The following HHIPL1 variants were observed in gnomAD, a reference collection of about 807,000 sequenced individuals.
HHIPL1 encodes HHIP-like protein 1.
Under a neutral mutation model 61.8 loss-of-function variants are expected in HHIPL1, and 43 were observed. The observed-to-expected ratio is 0.70, with a 90% CI of 0.55 to 0.90. The LOEUF (loss-of-function observed/expected upper bound fraction) is 0.90. HHIPL1 is among the 40% of genes least tolerant of loss of function. The pLI, the probability that HHIPL1 is intolerant of heterozygous loss-of-function variation, is 0.00. For missense variants in HHIPL1, 1,056 were observed against 1,157.7 expected (o/e 0.91, Z 1.28); for synonymous variants, 482 against 515.8 (o/e 0.93, Z 0.89).
At chr14:99,646,827 GATATGATATAATATAATATAATATA>G (rs2055846686) in intron 1 of HHIPL1, among the ~76,000 whole-genome samples, 3 of 84,878 alleles carry the variant, frequency 3.5e-5, no homozygotes, top group Non-Finnish European at 7.9e-5. Flanking sequence ...GATATGATAT[GATATGATATAATATAATATAATATA>G]ATATAATATG....
chr14:99,659,791 A>AACCC, intron 4 of HHIPL1, 35 bp downstream of exon 4: 1 of 1,195,558 alleles, frequency 8.4e-7, no homozygotes, highest in Admixed American at 4.6e-5. Flanking sequence ...CCGGCCCCGA[A>AACCC]TCCGCCCCCA....
chr14:99,631,822 A>G, the HHIPL1 span, among the ~76,000 whole-genome samples: 2 of 151,998 alleles, frequency 1.3e-5, no homozygotes, highest in African/African-American at 2.4e-5. Flanking sequence ...TGCCTTCCCT[A>G]TGGTCCAGAG....
At chr14:99,646,333 G>C (rs927066908) in intron 1 of HHIPL1, among the ~76,000 whole-genome samples, 2 of 152,274 alleles carry the variant, frequency 1.3e-5, no homozygotes, top group Admixed American at 1.3e-4. Context: ...GAGGCCCCAG[G>C]GGCCAGGGCC....
chr14:99,664,944 C>T (rs1404520527), intron 6 of HHIPL1, among the ~76,000 whole-genome samples: 1 of 144,656 alleles, frequency 6.9e-6, no homozygotes, highest in African/African-American at 2.5e-5. Flanking sequence ...GACTGAGCTT[C>T]GCTCTTGTTG....
In HHIPL1 at chr14:99,675,336, C is replaced by T; in HGVS notation, c.2059C>T (p.Arg687Cys). Reference protein sequence around the residue: ...RPAGLSSGSGRVEVFVGGRWG... With the variant: ...RPAGLSSGSGCVEVFVGGRWG... ...CGCGGGCCTGAGCTCTGGCAGCGGG[C>T]GCGTGGAGGTGTTCGTGGGCGGACG... Residue 687 changes from arginine (R) to cysteine (C), a missense_variant, in exon 9 of 9, where the codon CGC becomes TGC. Transcript: ENST00000330710. This position sits in a 1 kb window ranked among gnomAD's most constrained non-coding sequence, Gnocchi z 5.4. The T allele has an allele frequency of 2.1e-6, 3 of 1,436,470 alleles. No homozygotes were observed. The highest frequency in any genetic ancestry group is 2.7e-6 in the Non-Finnish European group (3 of 1,094,916). 89.0% of individuals were successfully genotyped at this position (1,436,470 alleles called of 1,614,324 possible). A position where few individuals can be genotyped will look rare whatever the true frequency, so the allele number is the denominator to read the frequency against.
chr14:99,638,826 C>T, the HHIPL1 span, among the ~76,000 whole-genome samples: 1 of 152,204 alleles, frequency 6.6e-6, no homozygotes, highest in African/African-American at 2.4e-5. Flanking sequence ...GAGGCACCTT[C>T]GGCCCAAAGG....
chr14:99,637,856 C>A, the HHIPL1 span, among the ~76,000 whole-genome samples: 1 of 152,132 alleles, frequency 6.6e-6, no homozygotes, highest in Non-Finnish European at 1.5e-5. Context: ...AAAACCAATG[C>A]CCAGAGAGGT....
At chr14:99,652,991 G>A (rs2055965565) in intron 2 of HHIPL1, 121 bp downstream of exon 2, 2 of 1,022,978 alleles carry the variant, frequency 2.0e-6, no homozygotes. Context: ...TGGTGGGGGT[G>A]CTGAATTTCA....
chr14:99,611,603 T>TG, the HHIPL1 span, among the ~76,000 whole-genome samples: 19,569 of 145,368 alleles, frequency 0.13, 1,109 homozygotes, highest in East Asian at 0.26. Flanking sequence ...TTTTTTTTTT[T>TG]TTTAAAGAAA....
chr14:99,635,337 C>A, the HHIPL1 span, among the ~76,000 whole-genome samples: 2 of 152,052 alleles, frequency 1.3e-5, no homozygotes, highest in East Asian at 3.9e-4. Flanking sequence ...GGGAAATAAT[C>A]TCACAGTGTA....
the HHIPL1 span, among the ~76,000 whole-genome samples, chr14:99,635,969 G>C: frequency 2.6e-5 from 4 of 152,184 alleles, no homozygotes; most frequent in African/African-American, 7.2e-5. Flanking sequence ...GCACTGCCCT[G>C]GGAGTCAGGA....
chr14:99,619,113 T>G, the HHIPL1 span, among the ~76,000 whole-genome samples: 83,882 of 151,826 alleles, frequency 0.55, 24,375 homozygotes, highest in South Asian at 0.76. Flanking sequence ...CGACACCCCG[T>G]GTACTGGCCC....
At chr14:99,641,420 CTT>C (rs1202590976), upstream of HHIPL1, among the ~76,000 whole-genome samples, 3 of 140,156 alleles carry the variant, frequency 2.1e-5, no homozygotes, top group Admixed American at 7.2e-5. Flanking sequence ...CTTTTTCTTT[CTT>C]TTTTTTTTTT....
At chr14:99,640,663 AT>A (rs904238475), upstream of HHIPL1, among the ~76,000 whole-genome samples, 2 of 151,958 alleles carry the variant, frequency 1.3e-5, no homozygotes, top group Middle Eastern at 3.2e-3. Flanking sequence ...GAGGAAATAC[AT>A]TTTTTTCCTA....
At chr14:99,620,612 G>A in the HHIPL1 span, among the ~76,000 whole-genome samples, 7 of 152,378 alleles carry the variant, frequency 4.6e-5, no homozygotes, top group East Asian at 1.9e-4. Flanking sequence ...GGTGGGGGGC[G>A]GGTCAGGAGC....
At position 99,660,508 on chromosome 14, in the gene HHIPL1, T is replaced by G; in HGVS notation, c.1502+102T>G. 1 of 1,392,552 alleles carries G rather than the reference T, an allele frequency of 7.2e-7. No individual in the cohort carries two copies. The highest frequency in any genetic ancestry group is 9.9e-7 in the Non-Finnish European group (1 of 1,015,136). 86.3% of individuals were successfully genotyped at this position (1,392,552 alleles called of 1,614,324 possible). A position where few individuals can be genotyped will look rare whatever the true frequency, so the allele number is the denominator to read the frequency against. ...GTATGTGTGCGCCCGTTCCTGCACA[T>G]GTGCCTCGCTGCTCTGACAGGGGCC... is the stretch of plus-strand genomic sequence containing the variant. On this transcript the variant is annotated intron_variant, in intron 5 of 8. Coordinates refer to ENST00000330710, the MANE Select transcript of HHIPL1 (RefSeq NM_001127258.3). This position sits in a 1 kb window ranked among gnomAD's most constrained non-coding sequence, Gnocchi z 4.9.
At chr14:99,638,377 C>T in the HHIPL1 span, among the ~76,000 whole-genome samples, 4 of 152,158 alleles carry the variant, frequency 2.6e-5, no homozygotes, top group African/African-American at 9.7e-5. Flanking sequence ...CGAGGCCTTC[C>T]CAGTCTTTCT....
Position 99,645,290 on chromosome 14 carries a change from C to T in HHIPL1, c.83C>T (p.Pro28Leu), listed in dbSNP as rs2055811321. 6 of 1,448,202 alleles carry T rather than the reference C, an allele frequency of 4.1e-6. No individual in the cohort carries two copies. The highest frequency in any genetic ancestry group is 5.2e-5 in the Admixed American group (2 of 38,436). 89.7% of individuals were successfully genotyped at this position (1,448,202 alleles called of 1,614,324 possible). A position where few individuals can be genotyped will look rare whatever the true frequency, so the allele number is the denominator to read the frequency against. ...CATCCGCAGTGCCTGGACTTCAGGC[C>T]GCCCTTCCGGCCGACGCAGCCGCTG... ...AAHPQCLDFRPPFRPTQPLRL... is the reference protein window; with the variant it reads ...AAHPQCLDFRLPFRPTQPLRL... Residue 28 changes from proline (P) to leucine (L), a missense_variant, in exon 1 of 9, where the codon CCG (proline) becomes CTG (leucine). Coordinates refer to ENST00000330710, the MANE Select transcript of HHIPL1 (RefSeq NM_001127258.3).
chr14:99,615,054 T>A, the HHIPL1 span, among the ~76,000 whole-genome samples: 1 of 151,990 alleles, frequency 6.6e-6, no homozygotes, highest in South Asian at 2.1e-4. Flanking sequence ...AGAAAAGGAA[T>A]CAGAATGATG....
Sources: gnomAD v4.1 joint callset for allele counts (sites outside exome capture counted in the v4.1 genomes callset) on GRCh38, gnomAD v4.1.1 for gene constraint, Gnocchi (gnomAD v3.1) non-coding constraint, MANE v1.5 for transcripts, NCBI Gene and HGNC (gene_info 2026-07-23, HGNC 2026-07-21) for gene names.